The following TYR variants were observed in gnomAD, a reference collection of about 807,000 sequenced individuals.
TYR encodes the protein tyrosinase, also known as LB24-AB.
In TYR, 58 loss-of-function variants were observed where a neutral mutation model predicts 51.5. The ratio of observed to expected loss-of-function variants is 1.13; its 90% CI spans 0.91 to 1.40. The LOEUF is 1.40. TYR is among the 40% of genes most tolerant of loss of function. The pLI is 0.00. For missense variants in TYR, 732 were observed against 647.4 expected (o/e 1.13, Z -1.42); for synonymous variants, 263 against 235.2 (o/e 1.12, Z -1.08).
At chr11:89,219,422 G>C (rs570275182) in intron 2 of TYR, among the ~76,000 whole-genome samples, 1 of 151,196 alleles carries the variant, frequency 6.6e-6, no homozygotes. Flanking sequence ...TCAGCCTCTC[G>C]AGTAGCTGGG....
At chr11:89,280,317 T>C (rs1305154402) in intron 3 of TYR, among the ~76,000 whole-genome samples, 2 of 151,752 alleles carry the variant, frequency 1.3e-5, no homozygotes, top group East Asian at 3.9e-4. Flanking sequence ...TTTTGGAAAT[T>C]ATCCCATAAT....
chr11:89,236,893 C>A (rs1410871636), intron 3 of TYR, among the ~76,000 whole-genome samples: 1 of 152,158 alleles, frequency 6.6e-6, no homozygotes, highest in Non-Finnish European at 1.5e-5. Context: ...CAGGTCATGT[C>A]TGTCTATAAC....
chr11:89,211,732 A>C (rs1943758893), intron 2 of TYR, among the ~76,000 whole-genome samples: 1 of 152,242 alleles, frequency 6.6e-6, no homozygotes, highest in Admixed American at 6.5e-5. Context: ...AAAGAACAGA[A>C]TCACAACAAA....
At chr11:89,251,118 T>C (rs1944326643) in intron 3 of TYR, among the ~76,000 whole-genome samples, 1 of 151,974 alleles carries the variant, frequency 6.6e-6, no homozygotes, top group South Asian at 2.1e-4. Flanking sequence ...TTGAAATGTT[T>C]AAACAGGTAC....
chr11:89,266,684 G>T (rs939847963), intron 3 of TYR, among the ~76,000 whole-genome samples: 9 of 151,922 alleles, frequency 5.9e-5, no homozygotes, highest in African/African-American at 2.2e-4. Context: ...GATACCCATA[G>T]ATTTTTGCTA....
intron 1 of TYR, among the ~76,000 whole-genome samples, chr11:89,179,937 C>A (rs1041896708): frequency 8.5e-5 from 13 of 152,122 alleles, no homozygotes; most frequent in African/African-American, 2.7e-4. Flanking sequence ...TGAAATTAAG[C>A]CCAATATGTG....
Position 89,232,586 on chromosome 11 carries a change from C to A in TYR, c.1184+4616C>A, listed in dbSNP as rs558890477. Among the ~76,000 whole-genome samples the A allele has an allele frequency of 2.1e-5, 3 of 141,880 alleles. 1 individual carries two copies. In the South Asian group the frequency reaches 7.0e-4, roughly 33 times the overall value. The allele number at this position is 141,880 out of a possible 152,430, so 93.1% of individuals were successfully genotyped here. A position where few individuals can be genotyped will look rare whatever the true frequency, so the allele number is the denominator to read the frequency against. On this transcript the variant is annotated intron_variant, in intron 3 of 4. Coordinates refer to ENST00000263321, the MANE Select transcript of TYR (RefSeq NM_000372.5). ...GAGGGGCATAACAGCTGAAAAACTA[C>A]CTAATGTATAAGGTATACTATGTTC...
Position 89,227,872 on chromosome 11 carries a change from G to A in TYR, c.1086G>A (p.Met362Ile). The A allele has an allele frequency of 6.2e-7, 1 of 1,613,450 alleles. No individual in the cohort carries two copies. The highest frequency in any genetic ancestry group is 8.5e-7 in the Non-Finnish European group (1 of 1,179,708). ...TGIADASQSS[M>I]HNALHIYMNG... Reference sequence around the variant, plus strand: ...TAGCGGATGCCTCTCAAAGCAGCATGCACAATGCCTTGCACATCTATATGA... The same window carrying A: ...TAGCGGATGCCTCTCAAAGCAGCATACACAATGCCTTGCACATCTATATGA... Residue 362 changes from methionine to isoleucine, a missense_variant, in exon 3 of 5, where the codon ATG becomes ATA. Met to Ile is a conservative substitution (Grantham distance 10). Transcript: ENST00000263321.
At chr11:89,245,675 C>A (rs565835659) in intron 3 of TYR, among the ~76,000 whole-genome samples, 16 of 152,262 alleles carry the variant, frequency 1.1e-4, no homozygotes, top group Admixed American at 2.0e-4. Flanking sequence ...GTAATCCCAG[C>A]ACTTTGGGAG....
At chr11:89,231,757 G>A (rs894524331) in intron 3 of TYR, among the ~76,000 whole-genome samples, 1 of 142,082 alleles carries the variant, frequency 7.0e-6, no homozygotes, top group African/African-American at 2.8e-5. Flanking sequence ...GCTGGGATGG[G>A]TGGATTGCCT....
At position 89,178,643 on chromosome 11, in the gene TYR, C is replaced by G; in HGVS notation, c.690C>G (p.Asn230Lys). The stretch of plus-strand genomic sequence containing the variant: ...TCCAGAAGCTGACAGGAGATGAAAA[C>G]TTCACTATTCCATATTGGGACTGGC... Reference protein sequence around the residue: ...QEIQKLTGDENFTIPYWDWRD... With the variant: ...QEIQKLTGDEKFTIPYWDWRD... The change falls in exon 1 of 5, where the codon AAC becomes AAG. Residue 230 changes from asparagine (N) to lysine (K), a missense_variant. By Grantham distance (94) the Asn-to-Lys change is moderately conservative (BLOSUM62 0). Coordinates refer to ENST00000263321, the MANE Select transcript of TYR (RefSeq NM_000372.5). 6.2e-7 allele frequency: 1 copy of G among 1,612,720 alleles called. No individual in the cohort carries two copies. The highest frequency in any genetic ancestry group is 8.5e-7 in the Non-Finnish European group (1 of 1,179,108).
intron 4 of TYR, among the ~76,000 whole-genome samples, chr11:89,289,240 A>G (rs1315527543): frequency 6.6e-6 from 1 of 152,094 alleles, no homozygotes; most frequent in East Asian, 1.9e-4. Flanking sequence ...TTGGTTTCAA[A>G]AATGAGAAGG....
At position 89,209,649 on chromosome 11, in the gene TYR, G is replaced by A. The variant is rs965081813; in HGVS notation, c.1037-18174G>A. Among the ~76,000 whole-genome samples the A allele has an allele frequency of 5.3e-5, 8 of 152,258 alleles. No homozygotes were observed. In the East Asian group the frequency reaches 9.7e-4, roughly 18 times the overall value. On this transcript the variant is annotated intron_variant, in intron 2 of 4. Transcript: ENST00000263321. ...GTTCGAGCTCCGATAATGGACAGACGGCCTCCTCAAGTGGGTCCCTGACCC... is the reference window on the plus strand; with the variant it reads ...GTTCGAGCTCCGATAATGGACAGACAGCCTCCTCAAGTGGGTCCCTGACCC...
intron 4 of TYR, among the ~76,000 whole-genome samples, chr11:89,289,964 G>T (rs1009961369): frequency 1.3e-5 from 2 of 151,988 alleles, no homozygotes; most frequent in African/African-American, 4.8e-5. Context: ...GGTAGACATT[G>T]TACCAAGGGC....
chr11:89,276,247 A>G (rs996600557), intron 3 of TYR, among the ~76,000 whole-genome samples: 1 of 151,796 alleles, frequency 6.6e-6, no homozygotes, highest in South Asian at 2.1e-4. Context: ...TGAATTTCTG[A>G]AATAAGGAGC....
At chr11:89,292,001 G>A (rs1355044728) in intron 4 of TYR, among the ~76,000 whole-genome samples, 2 of 151,710 alleles carry the variant, frequency 1.3e-5, no homozygotes, top group African/African-American at 2.4e-5. Context: ...CTATGATTAC[G>A]TTTGTTTTCC....
At chr11:89,290,648 G>C (rs550208118) in intron 4 of TYR, among the ~76,000 whole-genome samples, 107 of 151,956 alleles carry the variant, frequency 7.0e-4, no homozygotes, top group Non-Finnish European at 7.4e-4. Flanking sequence ...CCAACAACCT[G>C]TCTGTATTCT....
At chr11:89,185,059 G>A (rs1005375570) in intron 1 of TYR, among the ~76,000 whole-genome samples, 2 of 152,086 alleles carry the variant, frequency 1.3e-5, no homozygotes, top group African/African-American at 2.4e-5. Flanking sequence ...ACAGTTGACC[G>A]GGAAGACATT....
chr11:89,178,787 A>C lies in TYR; in HGVS notation c.819+15A>C, dbSNP rs1943263851. On this transcript the variant is annotated intron_variant, in intron 1 of 4. Transcript: ENST00000263321. Reference sequence around the variant, plus strand: ...CCTCTTGGCAGGTAAGATATGCTAGATATACGATGTCAGAGTAGGGAGGAA... The same window carrying C: ...CCTCTTGGCAGGTAAGATATGCTAGCTATACGATGTCAGAGTAGGGAGGAA... 2 of 1,613,290 alleles carry C rather than the reference A, an allele frequency of 1.2e-6. No homozygotes were observed. Among genetic ancestry groups the C allele is most frequent in the Non-Finnish European group, 1.7e-6 (2 of 1,179,440 alleles).
Sources: gnomAD v4.1 joint callset for allele counts (sites outside exome capture counted in the v4.1 genomes callset) on GRCh38, gnomAD v4.1.1 for gene constraint, MANE v1.5 for transcripts, NCBI Gene and HGNC (gene_info 2026-07-23, HGNC 2026-07-21) for gene names.